Variants in POU6F2 observed in about 807,000 individuals in gnomAD.
POU6F2 encodes POU domain, class 6, transcription factor 2.
POU6F2 carries 31 observed loss-of-function variants against 71.3 expected under a neutral mutation model. That is an observed-to-expected ratio of 0.43 (90% CI 0.33 to 0.59). The LOEUF is 0.59. POU6F2 is among the 20% of genes least tolerant of loss of function. POU6F2 has a pLI of 0.04. For synonymous variants in POU6F2, 347 were observed against 355.7 expected (o/e 0.98, Z 0.27); for missense variants, 783 against 856.8 (o/e 0.91, Z 1.07).
At chr7:39,342,294 G>C (rs1250026939) in intron 5 of POU6F2, among the ~76,000 whole-genome samples, 1 of 152,144 alleles carries the variant, frequency 6.6e-6, no homozygotes, top group Non-Finnish European at 1.5e-5. Flanking sequence ...TTTTACACTA[G>C]CTGCAGGCTT....
intron 2 of POU6F2, among the ~76,000 whole-genome samples, chr7:39,154,708 G>A (rs1158423301): frequency 1.3e-5 from 2 of 152,064 alleles, no homozygotes; most frequent in Admixed American, 6.5e-5. Flanking sequence ...TGAGGGTGGG[G>A]CCTCCTAGCC....
chr7:39,374,604 G>A (rs1786674436), intron 5 of POU6F2, among the ~76,000 whole-genome samples: 1 of 152,160 alleles, frequency 6.6e-6, no homozygotes, highest in Non-Finnish European at 1.5e-5. Context: ...GAGATTTCTA[G>A]TTTCCCCACA....
chr7:39,165,915 T>G (rs1793104044), intron 2 of POU6F2, among the ~76,000 whole-genome samples: 1 of 152,222 alleles, frequency 6.6e-6, no homozygotes. Context: ...TGTAGTACAT[T>G]GCAGCTCCTA....
intron 2 of POU6F2, among the ~76,000 whole-genome samples, chr7:39,086,576 T>A (rs952156802): frequency 1.3e-5 from 2 of 152,304 alleles, no homozygotes; most frequent in South Asian, 2.1e-4. Context: ...CTTCTTTTTT[T>A]AAAAAGGTGA....
intron 8 of POU6F2, among the ~76,000 whole-genome samples, chr7:39,455,301 GA>G (rs372967045): frequency 6.6e-6 from 1 of 151,464 alleles, no homozygotes; most frequent in South Asian, 2.1e-4. Flanking sequence ...GTTAGCTCCA[GA>G]AAAAAAACAA....
intron 2 of POU6F2, among the ~76,000 whole-genome samples, chr7:39,198,266 T>TA (rs1793825691): frequency 6.6e-6 from 1 of 152,178 alleles, no homozygotes; most frequent in African/African-American, 2.4e-5. Flanking sequence ...AATCTACCTA[T>TA]AAAAAATGAA....
intron 2 of POU6F2, among the ~76,000 whole-genome samples, chr7:39,175,413 A>G (rs1298825321): frequency 6.6e-6 from 1 of 152,156 alleles, no homozygotes. Context: ...AGGTACTACT[A>G]GTAATTATGC....
chr7:39,295,432 A>G (rs1212127616), intron 4 of POU6F2, among the ~76,000 whole-genome samples: 2 of 152,186 alleles, frequency 1.3e-5, no homozygotes, highest in Non-Finnish European at 2.9e-5. Flanking sequence ...CCTGGCCAAC[A>G]TGGTGAAACC....
At chr7:39,080,345 C>G (rs992882363) in intron 1 of POU6F2, among the ~76,000 whole-genome samples, 1 of 151,876 alleles carries the variant, frequency 6.6e-6, no homozygotes, top group African/African-American at 2.4e-5. Flanking sequence ...CCAAACCTAC[C>G]AACGCCTTGT....
chr7:39,377,791 A>G (rs918111615), intron 5 of POU6F2, among the ~76,000 whole-genome samples: 1 of 152,202 alleles, frequency 6.6e-6, no homozygotes, highest in East Asian at 1.9e-4. Context: ...AACTTGCAGA[A>G]AGGTAAAGAG....
intron 5 of POU6F2, among the ~76,000 whole-genome samples, chr7:39,359,113 T>G (rs1421639940): frequency 6.6e-6 from 1 of 152,086 alleles, no homozygotes; most frequent in Non-Finnish European, 1.5e-5. Flanking sequence ...CGTTCTCAAG[T>G]TAGTTTGCTT....
chr7:39,154,309 C>T (rs1028339102), intron 2 of POU6F2, among the ~76,000 whole-genome samples: 1 of 152,026 alleles, frequency 6.6e-6, no homozygotes, highest in African/African-American at 2.4e-5. Context: ...TTCCTGCTTC[C>T]ACTTTGCTTT....
chr7:39,155,061 G>A (rs998381480), intron 2 of POU6F2, among the ~76,000 whole-genome samples: 1 of 152,138 alleles, frequency 6.6e-6, no homozygotes, highest in African/African-American at 2.4e-5. Flanking sequence ...ACACCTGAAA[G>A]TGAAAGTTGA....
intron 1 of POU6F2, among the ~76,000 whole-genome samples, chr7:39,051,415 C>T (rs918273786): frequency 6.6e-6 from 1 of 151,996 alleles, no homozygotes; most frequent in Non-Finnish European, 1.5e-5. Flanking sequence ...GGCTAATGCT[C>T]GAAAATCTAC....
At chr7:39,361,471 T>C (rs1786387314) in intron 5 of POU6F2, among the ~76,000 whole-genome samples, 1 of 152,256 alleles carries the variant, frequency 6.6e-6, no homozygotes, top group African/African-American at 2.4e-5. Flanking sequence ...GTAATGCCTA[T>C]GATATGTGAT....
rs544600498 is a variant in POU6F2 at position 39,463,457 on chromosome 7, A to C, written c.1659-725A>C. Among the ~76,000 whole-genome samples the C allele has an allele frequency of 8.5e-5, 13 of 152,294 alleles. No individual in the cohort carries two copies. The South Asian group carries it at 2.7e-3, about 32-fold the overall frequency. On this transcript the variant is annotated intron_variant, in intron 9 of 9. Coordinates refer to ENST00000518318, the MANE Select transcript of POU6F2 (RefSeq NM_001370959.1). ...CAGGAGGTGGCCTTAGTACACCCAG[A>C]GGTGGGGTGTTTTATAGTAATTACA...
chr7:39,369,710 G>T (rs924657561), intron 5 of POU6F2, among the ~76,000 whole-genome samples: 1 of 151,994 alleles, frequency 6.6e-6, no homozygotes, highest in African/African-American at 2.4e-5. Flanking sequence ...CAGAGATGTG[G>T]TCTTGCTCTG....
At chr7:39,046,881 T>C (rs1368664894) in intron 1 of POU6F2, among the ~76,000 whole-genome samples, 1 of 151,980 alleles carries the variant, frequency 6.6e-6, no homozygotes, top group East Asian at 1.9e-4. Context: ...GTGCATGTGG[T>C]ATGAGATAAA....
intron 2 of POU6F2, among the ~76,000 whole-genome samples, chr7:39,092,151 T>G (rs370378258): frequency 2.0e-5 from 3 of 152,310 alleles, no homozygotes; most frequent in East Asian, 3.9e-4. Context: ...GCAAAGTGTT[T>G]ATACCAAACT....
Sources: gnomAD v4.1 joint callset for allele counts (sites outside exome capture counted in the v4.1 genomes callset) on GRCh38, gnomAD v4.1.1 for gene constraint, MANE v1.5 for transcripts, NCBI Gene and HGNC (gene_info 2026-07-23, HGNC 2026-07-21) for gene names.